Variants in PKNOX2 observed in about 807,000 individuals in gnomAD.
PKNOX2 encodes PBX/knotted 1 homeobox 2.
PKNOX2 carries 14 observed loss-of-function variants against 53.1 expected under a neutral mutation model. The ratio of observed to expected loss-of-function variants is 0.26; its 90% CI spans 0.17 to 0.41. PKNOX2 has a LOEUF of 0.41. PKNOX2 is among the 10% of genes least tolerant of loss of function. PKNOX2 has a pLI of 1.00. For synonymous variants in PKNOX2, 257 were observed against 242.8 expected (o/e 1.06, Z -0.54); for missense variants, 496 against 602.8 (o/e 0.82, Z 1.85).
intron 2 of PKNOX2, among the ~76,000 whole-genome samples, chr11:125,309,450 C>A (rs1448740694): frequency 6.8e-6 from 1 of 146,402 alleles, no homozygotes; most frequent in Non-Finnish European, 1.5e-5. Context: ...TGCAATGGTT[C>A]GATCTCAGCT....
intron 1 of PKNOX2, among the ~76,000 whole-genome samples, chr11:125,216,510 C>A (rs916787035): frequency 6.6e-6 from 1 of 152,180 alleles, no homozygotes; most frequent in Non-Finnish European, 1.5e-5. Context: ...GAGAACCCAG[C>A]CTGCCCCTTC....
At chr11:125,343,805 G>T (rs528880955) in intron 3 of PKNOX2, among the ~76,000 whole-genome samples, 1 of 152,238 alleles carries the variant, frequency 6.6e-6, no homozygotes, top group Admixed American at 6.5e-5. Context: ...AGCAGGGCGG[G>T]TGTTGCTCGT....
chr11:125,232,805 G>A (rs1942326746), intron 1 of PKNOX2, among the ~76,000 whole-genome samples: 1 of 151,522 alleles, frequency 6.6e-6, no homozygotes, highest in African/African-American at 2.4e-5. Context: ...TTTGAGCTTG[G>A]ATTTAAATCA....
Position 125,421,193 on chromosome 11 carries a change from G to A in PKNOX2, c.937-7819G>A, listed in dbSNP as rs149983742. On this transcript the variant is annotated intron_variant, in intron 10 of 12. Coordinates refer to ENST00000298282, the MANE Select transcript of PKNOX2 (RefSeq NM_001382323.2). Reference sequence around the variant, plus strand: ...CATAAGCCAGGAGAGGTCAACCCACGACGTAATCAAGTGCTATTATACAAG... The same window carrying A: ...CATAAGCCAGGAGAGGTCAACCCACAACGTAATCAAGTGCTATTATACAAG... Among the ~76,000 whole-genome samples the A allele has an allele frequency of 1.1e-4, 16 of 152,334 alleles. No individual in the cohort carries two copies. The East Asian group carries it at 1.9e-3, about 18-fold the overall frequency.
chr11:125,272,492 G>A (rs1945865397), intron 2 of PKNOX2, among the ~76,000 whole-genome samples: 1 of 152,148 alleles, frequency 6.6e-6, no homozygotes, highest in African/African-American at 2.4e-5. Context: ...TGGGACAACT[G>A]GGGCCCAAGC....
rs888758594 is a variant in PKNOX2, at chr11:125,417,316, G to A, written c.936+5451G>A. Among the ~76,000 whole-genome samples the A allele has an allele frequency of 1.6e-4, 24 of 151,994 alleles. 1 individual carries two copies. Among genetic ancestry groups the A allele is most frequent in the African/African-American group, 5.8e-4 (24 of 41,244 alleles). On this transcript the variant is annotated intron_variant, in intron 10 of 12. Transcript: ENST00000298282. ...CTGCTGCCAGCCAAGCACATGAGCA[G>A]CTTTTCAGAATATGCTCTGTGTGCG...
intron 2 of PKNOX2, among the ~76,000 whole-genome samples, chr11:125,237,900 C>T (rs1942849228): frequency 6.6e-6 from 1 of 152,192 alleles, no homozygotes; most frequent in Non-Finnish European, 1.5e-5. Flanking sequence ...CCATGGACTT[C>T]TAAGCTGGGG....
chr11:125,290,657 C>T (rs1242646980), intron 2 of PKNOX2, among the ~76,000 whole-genome samples: 2 of 152,212 alleles, frequency 1.3e-5, no homozygotes, highest in African/African-American at 2.4e-5. Flanking sequence ...TAGTCTCAGT[C>T]ATACATTCAT....
chr11:125,433,316 CCTT>C lies in PKNOX2; in HGVS notation c.*1927_*1929del, dbSNP rs1956780748. On this transcript the variant is annotated 3_prime_UTR_variant, in exon 13 of 13. Coordinates refer to ENST00000298282, the MANE Select transcript of PKNOX2 (RefSeq NM_001382323.2). ...CCACCTGCCTAATGTTATGCAACCT[CCTT>C]CTGATGTATCCACCAAACCAGTACT... 6.5e-6 allele frequency: 1 copy of C among 152,768 alleles called. No individual in the cohort carries two copies. The highest frequency in any genetic ancestry group is 2.1e-4 in the South Asian group (1 of 4,838). The allele number at this position is 152,768 out of a possible 1,614,324, so 9.5% of individuals were successfully genotyped here. A position where few individuals can be genotyped will look rare whatever the true frequency, so the allele number is the denominator to read the frequency against.
intron 2 of PKNOX2, among the ~76,000 whole-genome samples, chr11:125,300,778 G>A (rs1415192769): frequency 6.6e-6 from 1 of 152,186 alleles, no homozygotes; most frequent in Non-Finnish European, 1.5e-5. Flanking sequence ...GCAGGGCCCT[G>A]CATTTTTTCC....
chr11:125,389,922 G>A (rs926634395), intron 6 of PKNOX2, among the ~76,000 whole-genome samples: 3 of 152,174 alleles, frequency 2.0e-5, no homozygotes, highest in South Asian at 2.1e-4. Context: ...AGGCCCCTGG[G>A]CCCACTCTGA....
intron 1 of PKNOX2, among the ~76,000 whole-genome samples, chr11:125,175,483 C>T (rs1955649747): frequency 6.6e-6 from 1 of 152,210 alleles, no homozygotes. Context: ...TTCTAGGTAG[C>T]TGTGCAGGAC....
At chr11:125,298,993 T>A (rs1947847537) in intron 2 of PKNOX2, among the ~76,000 whole-genome samples, 1 of 151,944 alleles carries the variant, frequency 6.6e-6, no homozygotes, top group Non-Finnish European at 1.5e-5. Context: ...GAAAGAGGTG[T>A]ATTTGGCTCA....
rs191416118 is a variant in PKNOX2 at position 125,349,761 on chromosome 11, C to T, written c.-22-1523C>T. Reference sequence around the variant, plus strand: ...CAGTGCTTTTTGCAGAAGGTCAAAGCGTACTTGGTATCTTGGAGACTCAGG... The same window carrying T: ...CAGTGCTTTTTGCAGAAGGTCAAAGTGTACTTGGTATCTTGGAGACTCAGG... On this transcript the variant is annotated intron_variant, in intron 3 of 12. Transcript: ENST00000298282. Among the ~76,000 whole-genome samples, 292 of 151,470 alleles carry T rather than the reference C, an allele frequency of 1.9e-3. 3 individuals are homozygous for T. The highest frequency in any genetic ancestry group is 7.8e-4 in the Non-Finnish European group (53 of 67,856).
rs1378802881 is a variant in PKNOX2, at chr11:125,178,658, G to A, written c.-201+13882G>A. ...AGAAAGAAAGAAAGAAGGAAGGAAG[G>A]AAGGAAGGAAGGAAAGAAAGAGAGA... On this transcript the variant is annotated intron_variant, in intron 1 of 12. Transcript: ENST00000298282. Among the ~76,000 whole-genome samples the A allele has an allele frequency of 3.3e-4, 37 of 112,234 alleles. 13 individuals are homozygous for A. Among genetic ancestry groups the A allele is most frequent in the African/African-American group, 2.0e-3 (35 of 17,474 alleles). 73.6% of individuals were successfully genotyped at this position (112,234 alleles called of 152,430 possible).
At chr11:125,385,507 G>A (rs766684931) in intron 5 of PKNOX2, 44 bp from the exon 6 acceptor site, 38 of 1,538,574 alleles carry the variant, frequency 2.5e-5, no homozygotes, top group Middle Eastern at 2.2e-4. Context: ...GTAGCAGCAC[G>A]GTCTCTGTGT....
intron 2 of PKNOX2, among the ~76,000 whole-genome samples, chr11:125,238,405 C>G (rs1263551398): frequency 3.9e-5 from 6 of 152,176 alleles, no homozygotes; most frequent in African/African-American, 1.2e-4. Flanking sequence ...TCTCACTGAA[C>G]CCTCACACTA....
chr11:125,202,614 C>T (rs1272883642), intron 1 of PKNOX2, among the ~76,000 whole-genome samples: 1 of 152,090 alleles, frequency 6.6e-6, no homozygotes, highest in East Asian at 1.9e-4. Flanking sequence ...GCAGGGGACA[C>T]CGAGGGATGT....
chr11:125,349,967 C>G (rs1951209102), intron 3 of PKNOX2, among the ~76,000 whole-genome samples: 1 of 151,802 alleles, frequency 6.6e-6, no homozygotes, highest in South Asian at 2.1e-4. Flanking sequence ...TTTGGAAGAC[C>G]CTGGGAAGGG....
Sources: allele counts gnomAD v4.1 joint callset (sites outside exome capture counted in the v4.1 genomes callset), GRCh38; gene constraint gnomAD v4.1.1; transcripts MANE v1.5; gene names NCBI Gene and HGNC (gene_info 2026-07-23, HGNC 2026-07-21).